Variants in ADAMTS2 observed in about 807,000 individuals in gnomAD.
ADAMTS2 encodes the protein A disintegrin and metalloproteinase with thrombospondin motifs 2.
Under a neutral mutation model 123.0 loss-of-function variants are expected in ADAMTS2, and 50 were observed. The ratio of observed to expected loss-of-function variants is 0.41; its 90% CI spans 0.32 to 0.51. The LOEUF (loss-of-function observed/expected upper bound fraction) is 0.51. Ranked by LOEUF, ADAMTS2 falls within the 20% of genes least tolerant of loss-of-function variation. ADAMTS2 has a pLI of 0.35. For missense variants in ADAMTS2, 1,494 were observed against 1,705.2 expected, an observed-to-expected ratio of 0.88 and a Z score of 2.18; for synonymous variants, 678 against 695.4, an observed-to-expected ratio of 0.98 and a Z score of 0.39.
Position 179,307,632 on chromosome 5 carries a change from T to C in ADAMTS2, c.535-34568A>G, listed in dbSNP as rs543142679. ...AGCCCTCCAGCGGCTTCCCACCACA[T>C]GACTGCCCCGGTCCCCGCTGATTTC... On this transcript the variant is annotated intron_variant, in intron 2 of 21. Coordinates refer to ENST00000251582, the MANE Select transcript of ADAMTS2 (RefSeq NM_014244.5). The surrounding 1 kb of genome is among the most constrained non-coding windows in gnomAD (Gnocchi z 5.6). Among the ~76,000 whole-genome samples the C allele has an allele frequency of 5.3e-5, 8 of 152,026 alleles. No individual in the cohort carries two copies. The South Asian group carries it at 1.7e-3, about 32-fold the overall frequency.
chr5:179,258,532 G>A (rs1008194846), intron 3 of ADAMTS2, among the ~76,000 whole-genome samples: 1 of 152,206 alleles, frequency 6.6e-6, no homozygotes, highest in African/African-American at 2.4e-5. Flanking sequence ...GGAGGCTGAA[G>A]GCAGCCCCCA....
rs1457783378 is a variant in ADAMTS2 at position 179,129,731 on chromosome 5, TG to T, written c.2457+200del. Reference sequence around the variant, plus strand: ...TGCCCAAGGTCACCTAGGGGTCATGTGGGGTCCAGAGCCCCGGCTCGTGGAT... The same window carrying T: ...TGCCCAAGGTCACCTAGGGGTCATGTGGGTCCAGAGCCCCGGCTCGTGGAT... On this transcript the variant is annotated intron_variant, in intron 16 of 21. Transcript: ENST00000251582. The surrounding 1 kb of genome is among the most constrained non-coding windows in gnomAD (Gnocchi z 4.1). Among the ~76,000 whole-genome samples, 2 of 152,196 alleles carry T rather than the reference TG, an allele frequency of 1.3e-5. No homozygotes were observed. The highest frequency in any genetic ancestry group is 2.4e-5 in the African/African-American group (1 of 41,458).
chr5:179,198,309 G>A (rs1002282441), intron 4 of ADAMTS2, among the ~76,000 whole-genome samples: 1 of 152,224 alleles, frequency 6.6e-6, no homozygotes, highest in African/African-American at 2.4e-5. Flanking sequence ...CAGTGACGGG[G>A]CTGGGGGGCC....
intron 12 of ADAMTS2, among the ~76,000 whole-genome samples, chr5:179,137,374 G>C (rs751984699): frequency 1.3e-5 from 2 of 152,266 alleles, no homozygotes; most frequent in Admixed American, 1.3e-4. Flanking sequence ...ACTCGCAACT[G>C]AGAGTCCCGA....
chr5:179,294,300 G>GGCACGCAGCCTAC (rs1756272173), intron 2 of ADAMTS2, among the ~76,000 whole-genome samples: 2 of 152,302 alleles, frequency 1.3e-5, no homozygotes, highest in South Asian at 2.1e-4. Context: ...TGTTGATGAA[G>GGCACGCAGCCTAC]GCACGCAGCC....
intron 3 of ADAMTS2, among the ~76,000 whole-genome samples, chr5:179,238,589 A>AG (rs1765589126): frequency 6.6e-6 from 1 of 152,070 alleles, no homozygotes; most frequent in South Asian, 2.1e-4. Flanking sequence ...TGGGAGGGTG[A>AG]GCTGAGGGTG....
At chr5:179,190,758 G>T (rs1764286204) in intron 4 of ADAMTS2, among the ~76,000 whole-genome samples, 1 of 152,246 alleles carries the variant, frequency 6.6e-6, no homozygotes, top group Admixed American at 6.5e-5. Flanking sequence ...AATTACAGGA[G>T]GGTCCAACAG....
Position 179,272,284 on chromosome 5 carries a change from G to T in ADAMTS2, c.688+627C>A, listed in dbSNP as rs1048908816. 2.0e-5 allele frequency among the ~76,000 whole-genome samples: 3 copies of T among 152,200 alleles called. No homozygotes were observed. Among genetic ancestry groups the T allele is most frequent in the Non-Finnish European group, 2.9e-5 (2 of 68,028 alleles). ...TCACGTTTCTGGGCCCAGGGCACAC[G>T]TGGGTTCTGAGTTGAAAAAGACAGA... On this transcript the variant is annotated intron_variant, in intron 3 of 21. Transcript: ENST00000251582. This position sits in a 1 kb window ranked among gnomAD's most constrained non-coding sequence, Gnocchi z 5.8.
chr5:179,262,713 C>G lies in ADAMTS2; in HGVS notation c.688+10198G>C, dbSNP rs965233943. On this transcript the variant is annotated intron_variant, in intron 3 of 21. Transcript: ENST00000251582. The surrounding 1 kb of genome is among the most constrained non-coding windows in gnomAD (Gnocchi z 5.9). ...CTCCCTTACCTGCCTTCTCACGCTG[C>G]CCTTTCACCCCGTTTTACTTTGTTC... Among the ~76,000 whole-genome samples, 4 of 152,236 alleles carry G rather than the reference C, an allele frequency of 2.6e-5. No homozygotes were observed. Among genetic ancestry groups the G allele is most frequent in the Admixed American group, 6.5e-5 (1 of 15,288 alleles).
chr5:179,338,514 A>G (rs1365206144), intron 2 of ADAMTS2, among the ~76,000 whole-genome samples: 1 of 151,936 alleles, frequency 6.6e-6, no homozygotes, highest in Non-Finnish European at 1.5e-5. Context: ...CAGGGGAGGG[A>G]GTCATTGCCC....
chr5:179,153,668 A>C, intron 8 of ADAMTS2, 45 bp from the exon 9 acceptor site: 2 of 1,574,658 alleles, frequency 1.3e-6, no homozygotes, highest in Non-Finnish European at 8.6e-7. Flanking sequence ...AGCGCGGCTG[A>C]CCATCCACAG....
At position 179,242,276 on chromosome 5, in the gene ADAMTS2, G is replaced by C. The variant is rs529779752; in HGVS notation, c.688+30635C>G. ...GTGGGCCAGCGGTGCCTGCTGTCTTGCTCGCGTGTGCCAGCAAATCTCCTT... is the reference window on the plus strand; with the variant it reads ...GTGGGCCAGCGGTGCCTGCTGTCTTCCTCGCGTGTGCCAGCAAATCTCCTT... On this transcript the variant is annotated intron_variant, in intron 3 of 21. Coordinates refer to ENST00000251582, the MANE Select transcript of ADAMTS2 (RefSeq NM_014244.5). The surrounding 1 kb of genome is among the most constrained non-coding windows in gnomAD (Gnocchi z 4.2). Among the ~76,000 whole-genome samples the C allele has an allele frequency of 6.6e-6, 1 of 152,310 alleles. No homozygotes were observed. Among genetic ancestry groups the C allele is most frequent in the African/African-American group, 2.4e-5 (1 of 41,566 alleles).
rs1765337596 is a variant in ADAMTS2 at position 179,228,461 on chromosome 5, C to T, written c.689-20746G>A. On this transcript the variant is annotated intron_variant, in intron 3 of 21. Coordinates refer to ENST00000251582, the MANE Select transcript of ADAMTS2 (RefSeq NM_014244.5). The surrounding 1 kb of genome is among the most constrained non-coding windows in gnomAD (Gnocchi z 5.2). ...GGTGGACTTGCCCCAGCCTGAAGAC[C>T]TCCGGGGCCCTGGCTCCTCCCTGCT... 6.6e-6 allele frequency among the ~76,000 whole-genome samples: 1 copy of T among 152,228 alleles called. No individual in the cohort carries two copies. The highest frequency in any genetic ancestry group is 1.5e-5 in the Non-Finnish European group (1 of 68,034).
chr5:179,116,857 TA>T (rs927473914), intron 21 of ADAMTS2, among the ~76,000 whole-genome samples: 5 of 151,976 alleles, frequency 3.3e-5, no homozygotes, highest in Non-Finnish European at 4.4e-5. Context: ...AAAAGGGAGT[TA>T]AAACCCATCG....
At position 179,128,209 on chromosome 5, in the gene ADAMTS2, G is replaced by C; in HGVS notation, c.2458-91C>G. 6.7e-7 allele frequency: 1 copy of C among 1,492,098 alleles called. No homozygotes were observed. Among genetic ancestry groups the C allele is most frequent in the Non-Finnish European group, 9.2e-7 (1 of 1,088,486 alleles). The allele number at this position is 1,492,098 out of a possible 1,614,324, so 92.4% of individuals were successfully genotyped here. A position where few individuals can be genotyped will look rare whatever the true frequency, so the allele number is the denominator to read the frequency against. The stretch of plus-strand genomic sequence containing the variant: ...GGAACGGCAGCTGAGGCCGACTCCA[G>C]AGGAGTCTCATCATTCATGGCAGTT... On this transcript the variant is annotated intron_variant, in intron 16 of 21. Coordinates refer to ENST00000251582, the MANE Select transcript of ADAMTS2 (RefSeq NM_014244.5). The surrounding 1 kb of genome is among the most constrained non-coding windows in gnomAD (Gnocchi z 4.9).
At chr5:179,154,276 C>T (rs1763424797) in intron 7 of ADAMTS2, 84 bp from the exon 8 acceptor site, 3 of 1,521,490 alleles carry the variant, frequency 2.0e-6, no homozygotes, top group African/African-American at 2.7e-5. Context: ...GGAGGGTGCC[C>T]CATCTTTCCC....
At position 179,343,698 on chromosome 5, in the gene ADAMTS2, C is replaced by T. The variant is rs1757846632; in HGVS notation, c.534+69G>A. ...AGGCCTTGCCCTCCCAAGGGACTCC[C>T]AGGTAACCCTTTTCCAAAACCCAGG... On this transcript the variant is annotated intron_variant, in intron 2 of 21. Transcript: ENST00000251582. The T allele has an allele frequency of 5.8e-6, 9 of 1,564,162 alleles. No individual in the cohort carries two copies. In the South Asian group the frequency reaches 9.3e-5, roughly 16 times the overall value.
At chr5:179,331,735 C>T (rs1485669540) in intron 2 of ADAMTS2, among the ~76,000 whole-genome samples, 1 of 152,112 alleles carries the variant, frequency 6.6e-6, no homozygotes, top group Non-Finnish European at 1.5e-5. Context: ...AGGGCTGAGC[C>T]CTGGTCTGGG....
rs531150299 is a variant in ADAMTS2 at position 179,218,522 on chromosome 5, C to T, written c.689-10807G>A. Among the ~76,000 whole-genome samples, 11 of 152,346 alleles carry T rather than the reference C, an allele frequency of 7.2e-5. No individual in the cohort carries two copies. The East Asian group carries it at 1.9e-3, about 27-fold the overall frequency. On this transcript the variant is annotated intron_variant, in intron 3 of 21. Coordinates refer to ENST00000251582, the MANE Select transcript of ADAMTS2 (RefSeq NM_014244.5). ...CTGGTGTACTTTATTAAAAGATGCTCATTAGGATTATTACATCCCAGCCCT... is the reference window on the plus strand; with the variant it reads ...CTGGTGTACTTTATTAAAAGATGCTTATTAGGATTATTACATCCCAGCCCT...
Sources: allele counts gnomAD v4.1 joint callset (sites outside exome capture counted in the v4.1 genomes callset), GRCh38; gene constraint gnomAD v4.1.1; non-coding constraint Gnocchi (gnomAD v3.1); transcripts MANE v1.5; gene names NCBI Gene and HGNC (gene_info 2026-07-23, HGNC 2026-07-21).